Variants in ARHGAP24 observed in about 807,000 individuals in gnomAD.
The protein encoded by ARHGAP24 is Rho GTPase activating protein 24.
Under a neutral mutation model 76.4 loss-of-function variants are expected in ARHGAP24, and 50 were observed. The observed-to-expected ratio is 0.65, with a 90% CI of 0.52 to 0.83. The LOEUF is 0.83. Ranked by LOEUF, ARHGAP24 falls within the 40% of genes least tolerant of loss-of-function variation. The pLI is 0.00. For missense variants in ARHGAP24, 930 were observed against 914.2 expected (o/e 1.02, Z -0.22); for synonymous variants, 345 against 323.3 (o/e 1.07, Z -0.72).
chr4:85,479,401 T>C (rs1722726156), intron 1 of ARHGAP24, among the ~76,000 whole-genome samples: 1 of 152,238 alleles, frequency 6.6e-6, no homozygotes, highest in Non-Finnish European at 1.5e-5. Context: ...TATATTGTAC[T>C]ATAAAATCTG....
intron 2 of ARHGAP24, chr4:85,570,973 T>G: frequency 2.7e-6 from 1 of 369,356 alleles, no homozygotes; most frequent in Non-Finnish European, 4.9e-6. Flanking sequence ...AAGGTCTCAC[T>G]TCCTCTGGCA....
At chr4:85,994,538 A>T in intron 8 of ARHGAP24, 45 bp from the exon 9 acceptor site, 1 of 1,564,284 alleles carries the variant, frequency 6.4e-7, no homozygotes, top group South Asian at 1.1e-5. Flanking sequence ...AGAAATAAAT[A>T]AAAACTGTCT....
intron 3 of ARHGAP24, among the ~76,000 whole-genome samples, chr4:85,908,212 AT>A (rs1347653531): frequency 3.3e-5 from 5 of 152,078 alleles, no homozygotes; most frequent in African/African-American, 1.2e-4. Flanking sequence ...GTCAATATTT[AT>A]TTTCTATTTT....
intron 1 of ARHGAP24, among the ~76,000 whole-genome samples, chr4:85,498,623 A>G (rs538837428): frequency 6.6e-6 from 1 of 152,292 alleles, no homozygotes; most frequent in African/African-American, 2.4e-5. Flanking sequence ...CATCTTAGCC[A>G]CAAGGAAGTG....
At chr4:85,999,989 C>G (rs1740910030) in intron 9 of ARHGAP24, 1 of 163,146 alleles carries the variant, frequency 6.1e-6, no homozygotes, top group Non-Finnish European at 1.3e-5. Flanking sequence ...TATATGCTGC[C>G]AAAAACCCCA....
At chr4:85,763,886 C>G (rs1373972017) in intron 3 of ARHGAP24, among the ~76,000 whole-genome samples, 8 of 152,094 alleles carry the variant, frequency 5.3e-5, no homozygotes, top group African/African-American at 1.9e-4. Flanking sequence ...AAGGCTTTCA[C>G]AAAATGCAAA....
chr4:85,617,392 T>A (rs1390479697), intron 2 of ARHGAP24, among the ~76,000 whole-genome samples: 1 of 151,868 alleles, frequency 6.6e-6, no homozygotes, highest in African/African-American at 2.4e-5. Context: ...TGTTACTACT[T>A]ACTTACGTAT....
At chr4:85,939,818 G>A (rs533753794) in intron 4 of ARHGAP24, among the ~76,000 whole-genome samples, 76 of 151,918 alleles carry the variant, frequency 5.0e-4, no homozygotes, top group Non-Finnish European at 8.8e-4. Context: ...TCATTGAATT[G>A]CAACATCCTT....
At chr4:85,476,104 T>C (rs1208429355) in intron 1 of ARHGAP24, among the ~76,000 whole-genome samples, 1 of 149,610 alleles carries the variant, frequency 6.7e-6, no homozygotes. Context: ...TATATACATA[T>C]ATTTGTAAAC....
At chr4:85,623,577 CT>C (rs1213894654) in intron 2 of ARHGAP24, among the ~76,000 whole-genome samples, 1 of 152,044 alleles carries the variant, frequency 6.6e-6, no homozygotes, top group Non-Finnish European at 1.5e-5. Flanking sequence ...GATGCGGGCT[CT>C]TTTTTGGTTC....
At chr4:85,715,242 A>G (rs1191135337) in intron 2 of ARHGAP24, among the ~76,000 whole-genome samples, 2 of 152,086 alleles carry the variant, frequency 1.3e-5, no homozygotes, top group East Asian at 3.8e-4. Flanking sequence ...CACGATAGTA[A>G]AAACTGACTT....
chr4:85,906,712 G>A (rs1489716158), intron 3 of ARHGAP24, among the ~76,000 whole-genome samples: 1 of 152,076 alleles, frequency 6.6e-6, no homozygotes, highest in South Asian at 2.1e-4. Context: ...TAGCTTTTAA[G>A]ATTTTTTTAA....
intron 5 of ARHGAP24, among the ~76,000 whole-genome samples, chr4:85,950,341 A>G (rs1737538479): frequency 6.6e-6 from 1 of 152,042 alleles, no homozygotes; most frequent in African/African-American, 2.4e-5. Flanking sequence ...AAAAAAATCA[A>G]ATTAAAAAAC....
At chr4:85,640,942 C>T (rs1172373826) in intron 2 of ARHGAP24, among the ~76,000 whole-genome samples, 1 of 151,692 alleles carries the variant, frequency 6.6e-6, no homozygotes, top group Non-Finnish European at 1.5e-5. Flanking sequence ...AGCACTCAAG[C>T]AAATACAGAA....
chr4:85,712,984 T>C (rs2110036085), intron 2 of ARHGAP24, among the ~76,000 whole-genome samples: 1 of 152,292 alleles, frequency 6.6e-6, no homozygotes, highest in South Asian at 2.1e-4. Context: ...CCGTCTCCTG[T>C]CATTTTTGTT....
intron 2 of ARHGAP24, among the ~76,000 whole-genome samples, chr4:85,687,431 C>T (rs1392617461): frequency 6.6e-6 from 1 of 152,040 alleles, no homozygotes; most frequent in Admixed American, 6.6e-5. Flanking sequence ...CTACTCTCTC[C>T]CCGCTTTAGT....
chr4:85,632,069 G>T (rs1721175186), intron 2 of ARHGAP24, among the ~76,000 whole-genome samples: 1 of 151,760 alleles, frequency 6.6e-6, no homozygotes, highest in South Asian at 2.1e-4. Flanking sequence ...TTGTTCCCTT[G>T]ATTTCCATAT....
chr4:85,931,436 C>G (rs990137947), intron 4 of ARHGAP24, among the ~76,000 whole-genome samples: 10 of 152,150 alleles, frequency 6.6e-5, no homozygotes, highest in Non-Finnish European at 2.9e-5. Context: ...GCTGTGTTCC[C>G]GTCACCTTGT....
At chr4:85,652,181 AT>A (rs1282934583) in intron 2 of ARHGAP24, among the ~76,000 whole-genome samples, 17 of 152,172 alleles carry the variant, frequency 1.1e-4, no homozygotes, top group African/African-American at 3.9e-4. Context: ...TTCACATTTA[AT>A]AATAAGATAA....
Sources: gnomAD v4.1 joint callset for allele counts (sites outside exome capture counted in the v4.1 genomes callset) on GRCh38, gnomAD v4.1.1 for gene constraint, MANE v1.5 for transcripts, NCBI Gene and HGNC (gene_info 2026-07-23, HGNC 2026-07-21) for gene names.